FAM135B: variants seen among roughly 807,000 people sequenced by gnomAD.
FAM135B encodes protein FAM135B.
A neutral mutation model predicts 127.7 loss-of-function variants in FAM135B; 43 were observed. That is an observed-to-expected ratio of 0.34 (90% CI 0.26 to 0.43). FAM135B has a LOEUF of 0.43. Among genes scored for constraint, FAM135B ranks in the 20% least tolerant of loss-of-function variants. FAM135B has a pLI of 1.00. For missense variants in FAM135B, 1,558 were observed against 1,725.6 expected (o/e 0.90, Z 1.72); for synonymous variants, 670 against 665.1 (o/e 1.01, Z -0.11).
intron 1 of FAM135B, among the ~76,000 whole-genome samples, chr8:138,465,910 G>C (rs1397763623): frequency 1.3e-5 from 2 of 152,172 alleles, no homozygotes; most frequent in East Asian, 1.9e-4. Context: ...CTCCCAGGTA[G>C]CTGGGATTAC....
At chr8:138,307,581 G>A (rs1563880899) in intron 3 of FAM135B, among the ~76,000 whole-genome samples, 1 of 152,036 alleles carries the variant, frequency 6.6e-6, no homozygotes, top group African/African-American at 2.4e-5. Context: ...CCCTTGAATG[G>A]TAAGACTTTT....
chr8:138,423,749 A>G (rs1405471753), intron 1 of FAM135B, among the ~76,000 whole-genome samples: 1 of 152,170 alleles, frequency 6.6e-6, no homozygotes, highest in Non-Finnish European at 1.5e-5. Context: ...TATCTGACCA[A>G]AATTTATTAG....
chr8:138,415,604 T>C (rs148325733), intron 1 of FAM135B, among the ~76,000 whole-genome samples: 114 of 152,310 alleles, frequency 7.5e-4, no homozygotes, highest in African/African-American at 2.5e-3. Flanking sequence ...ATGTTACAAC[T>C]CTTTCCATTT....
At chr8:138,469,689 A>G (rs779036811) in intron 1 of FAM135B, among the ~76,000 whole-genome samples, 2 of 152,236 alleles carry the variant, frequency 1.3e-5, no homozygotes, top group Non-Finnish European at 2.9e-5. Context: ...CAGGACAAAT[A>G]CAAGATTAGA....
chr8:138,130,552 C>G lies in FAM135B; in HGVS notation c.*2041G>C, dbSNP rs1300797257. The G allele has an allele frequency of 1.3e-5, 2 of 152,172 alleles. No homozygotes were observed. Among genetic ancestry groups the G allele is most frequent in the African/African-American group, 2.4e-5 (1 of 41,434 alleles). 9.4% of individuals were successfully genotyped at this position (152,172 alleles called of 1,614,324 possible). A position where few individuals can be genotyped will look rare whatever the true frequency, so the allele number is the denominator to read the frequency against. On this transcript the variant is annotated 3_prime_UTR_variant, in exon 20 of 20. Transcript: ENST00000395297. The stretch of plus-strand genomic sequence containing the variant: ...GCTCCATAACCGCGGGCTACACAGT[C>G]TTTCAAAGGACCAGGGAATGACGAA...
Position 138,132,701 on chromosome 8 carries a change from G to C in FAM135B, c.4113C>G (p.Pro1371=). 6.2e-7 allele frequency: 1 copy of C among 1,614,190 alleles called. No individual in the cohort carries two copies. The highest frequency in any genetic ancestry group is 8.5e-7 in the Non-Finnish European group (1 of 1,180,022). ...GGCCGATCAGGGTGTTGGCAGTGTT[G>C]GGCAGGGCGTGGAACACGTTGTGTC... The part of the protein sequence containing the change: ...LIRHNVFHAL[P]NTANTLIGRA... The change falls in exon 20 of 20, where the codon CCC becomes CCG. Residue 1371 remains proline, a synonymous_variant. Coordinates refer to ENST00000395297, the MANE Select transcript of FAM135B (RefSeq NM_015912.4). This position sits in a 1 kb window ranked among gnomAD's most constrained non-coding sequence, Gnocchi z 4.5.
At chr8:138,491,064 C>A (rs563619671) in intron 1 of FAM135B, among the ~76,000 whole-genome samples, 31 of 151,024 alleles carry the variant, frequency 2.1e-4, no homozygotes, top group Admixed American at 1.2e-3. Context: ...TCGCTTCAAC[C>A]CAGGAAGTGG....
intron 7 of FAM135B, among the ~76,000 whole-genome samples, chr8:138,227,380 T>C (rs930281509): frequency 6.6e-6 from 1 of 152,198 alleles, no homozygotes; most frequent in African/African-American, 2.4e-5. Context: ...GGCACATTAG[T>C]AGGGACATTC....
chr8:138,405,274 G>A (rs1428836699), intron 1 of FAM135B, among the ~76,000 whole-genome samples: 1 of 151,042 alleles, frequency 6.6e-6, no homozygotes, highest in Non-Finnish European at 1.5e-5. Context: ...CAATGTGCAG[G>A]TTAGTTACAT....
At chr8:138,422,566 T>C (rs1008782543) in intron 1 of FAM135B, among the ~76,000 whole-genome samples, 1 of 151,844 alleles carries the variant, frequency 6.6e-6, no homozygotes, top group Non-Finnish European at 1.5e-5. Context: ...AACTACAATA[T>C]CATCTCACAC....
At position 138,151,298 on chromosome 8, in the gene FAM135B, G is replaced by T. The variant is rs2130723679; in HGVS notation, c.3177C>A (p.Ser1059=). 1 of 1,614,026 alleles carries T rather than the reference G, an allele frequency of 6.2e-7. No individual in the cohort carries two copies. The highest frequency in any genetic ancestry group is 8.5e-7 in the Non-Finnish European group (1 of 1,179,988). The change falls in exon 13 of 20, where the codon TCC becomes TCA. Residue 1059 remains serine, a synonymous_variant. Transcript: ENST00000395297. ...GGGTGATGGGAAACAGGGTCTGTTT[G>T]GAAGAGAATCCAGCCCTGGCAGGGG... The part of the protein sequence containing the change: ...KETPARAGFS[S]KQTLFPITHQ...
At chr8:138,275,918 C>T (rs924985938) in intron 3 of FAM135B, among the ~76,000 whole-genome samples, 1 of 152,132 alleles carries the variant, frequency 6.6e-6, no homozygotes, top group East Asian at 1.9e-4. Context: ...CTCCAAGTGG[C>T]CTGATCACAG....
chr8:138,196,582 A>C (rs1816649900), intron 8 of FAM135B, among the ~76,000 whole-genome samples: 1 of 152,206 alleles, frequency 6.6e-6, no homozygotes, highest in Non-Finnish European at 1.5e-5. Context: ...AACAATGAAC[A>C]AGGCCATTGA....
chr8:138,375,017 C>G (rs902009699), intron 1 of FAM135B, among the ~76,000 whole-genome samples: 5 of 149,876 alleles, frequency 3.3e-5, no homozygotes, highest in Non-Finnish European at 7.4e-5. Flanking sequence ...CAACAACAAC[C>G]CCAGATTATT....
rs1427946540 is a variant in FAM135B at position 138,177,443 on chromosome 8, C to T, written c.1030-23G>A. The T allele has an allele frequency of 1.9e-6, 3 of 1,594,436 alleles. No homozygotes were observed. In the African/African-American group the frequency reaches 4.0e-5, roughly 21 times the overall value. ...GACCTGCAGAATAAAACAATGTAAA[C>T]AGTTCAATTCTTTAGGTAGGTATTA... On this transcript the variant is annotated intron_variant, in intron 10 of 19. Transcript: ENST00000395297.
intron 9 of FAM135B, among the ~76,000 whole-genome samples, 172 bp from the exon 10 acceptor site, chr8:138,178,862 C>T (rs1003065418): frequency 3.9e-5 from 6 of 152,098 alleles, no homozygotes; most frequent in Non-Finnish European, 5.9e-5. Flanking sequence ...CATGTTATCA[C>T]GTTTGATCTG....
chr8:138,418,135 C>T (rs1391984615), intron 1 of FAM135B, among the ~76,000 whole-genome samples: 1 of 152,052 alleles, frequency 6.6e-6, no homozygotes, highest in Non-Finnish European at 1.5e-5. Flanking sequence ...GAAAAACTCA[C>T]TATAAGAATT....
At chr8:138,245,908 A>G (rs570413210) in intron 6 of FAM135B, among the ~76,000 whole-genome samples, 1 of 152,326 alleles carries the variant, frequency 6.6e-6, no homozygotes, top group Admixed American at 6.5e-5. Context: ...TTTTAACCAA[A>G]TTGCTGATAG....
chr8:138,359,301 C>T (rs535401172), intron 2 of FAM135B, among the ~76,000 whole-genome samples: 3 of 152,260 alleles, frequency 2.0e-5, no homozygotes, highest in South Asian at 2.1e-4. Flanking sequence ...TGATCAATAT[C>T]CTACATCAAA....
Sources: gnomAD v4.1 joint callset for allele counts (sites outside exome capture counted in the v4.1 genomes callset) on GRCh38, gnomAD v4.1.1 for gene constraint, Gnocchi (gnomAD v3.1) non-coding constraint, MANE v1.5 for transcripts, NCBI Gene and HGNC (gene_info 2026-07-23, HGNC 2026-07-21) for gene names.